Variants in ZNF704 observed in about 807,000 individuals in gnomAD.
The protein encoded by ZNF704 is zinc finger protein 704.
A neutral mutation model predicts 44.7 loss-of-function variants in ZNF704; 10 were observed. That is an observed-to-expected ratio of 0.22 (90% CI 0.14 to 0.38). The LOEUF (loss-of-function observed/expected upper bound fraction) is 0.38, where lower values mean the gene tolerates loss of function less well. ZNF704 is among the 10% of genes least tolerant of loss of function. ZNF704 has a pLI of 1.00. For synonymous variants in ZNF704, 211 were observed against 207.6 expected, an observed-to-expected ratio of 1.02 and a Z score of -0.14; for missense variants, 390 against 545.5, an observed-to-expected ratio of 0.71 and a Z score of 2.84.
chr8:80,716,208 T>G (rs1027027725), intron 2 of ZNF704, among the ~76,000 whole-genome samples: 2 of 152,206 alleles, frequency 1.3e-5, no homozygotes, highest in African/African-American at 4.8e-5. Context: ...TCCTTCATCA[T>G]AGACACCACG....
intron 2 of ZNF704, among the ~76,000 whole-genome samples, chr8:80,788,530 A>G (rs939969769): frequency 1.8e-4 from 27 of 152,362 alleles, no homozygotes; most frequent in African/African-American, 6.3e-4. Context: ...GAATTCAGGG[A>G]AAGCTGCTTA....
intron 2 of ZNF704, among the ~76,000 whole-genome samples, chr8:80,754,394 T>C (rs1807000894): frequency 1.3e-5 from 2 of 152,174 alleles, no homozygotes; most frequent in South Asian, 4.1e-4. Context: ...TTGCAGCCAT[T>C]TTCCCCTGCT....
At chr8:80,660,130 T>C (rs77185104) in intron 6 of ZNF704, among the ~76,000 whole-genome samples, 8,453 of 152,246 alleles carry the variant, frequency 0.056, 259 homozygotes, top group Middle Eastern at 0.092. Context: ...TAGGCATTCA[T>C]TCTAAAGAAA....
intron 2 of ZNF704, among the ~76,000 whole-genome samples, chr8:80,726,649 C>T (rs188680582): frequency 0.012 from 1,772 of 151,800 alleles, 16 homozygotes; most frequent in Middle Eastern, 0.054. Flanking sequence ...TTGATAATTA[C>T]TGAACTGGGA....
intron 2 of ZNF704, among the ~76,000 whole-genome samples, chr8:80,780,658 A>G (rs893108398): frequency 6.6e-6 from 1 of 152,162 alleles, no homozygotes; most frequent in Non-Finnish European, 1.5e-5. Context: ...CAGATGAAAA[A>G]TAAGACACAG....
chr8:80,695,518 A>G (rs1226895868), intron 2 of ZNF704, among the ~76,000 whole-genome samples: 1 of 152,230 alleles, frequency 6.6e-6, no homozygotes, highest in Non-Finnish European at 1.5e-5. Context: ...GATTCTTACA[A>G]TGACTTGCTA....
At position 80,629,813 on chromosome 8, in the gene ZNF704, T is replaced by C. The variant is rs1817554955; in HGVS notation, c.*11553A>G. 2 of 152,248 alleles carry C rather than the reference T, an allele frequency of 1.3e-5. No homozygotes were observed. The highest frequency in any genetic ancestry group is 2.9e-5 in the Non-Finnish European group (2 of 68,052). The allele number at this position is 152,248 out of a possible 1,614,324, so 9.4% of individuals were successfully genotyped here. ...CAGCAGATAAAACCTATGCTAACTT[T>C]ATCCAATGAAATATTCGTTCACTTC... On this transcript the variant is annotated 3_prime_UTR_variant, in exon 9 of 9. Coordinates refer to ENST00000327835, the MANE Select transcript of ZNF704 (RefSeq NM_001033723.3).
Position 80,813,218 on chromosome 8 carries a change from T to C in ZNF704, c.221+8156A>G, listed in dbSNP as rs948769361. ...CAATGATGATTTACAAAGAAGGACA[T>C]TTACTAATTATCCAAGGACTCTTTG... On this transcript the variant is annotated intron_variant, in intron 2 of 8. Coordinates refer to ENST00000327835, the MANE Select transcript of ZNF704 (RefSeq NM_001033723.3). Among the ~76,000 whole-genome samples, 5 of 152,214 alleles carry C rather than the reference T, an allele frequency of 3.3e-5. 1 individual carries two copies. Among genetic ancestry groups the C allele is most frequent in the Non-Finnish European group, 7.4e-5 (5 of 68,024 alleles).
intron 2 of ZNF704, among the ~76,000 whole-genome samples, chr8:80,787,590 A>T (rs750796977): frequency 6.6e-6 from 1 of 152,208 alleles, no homozygotes; most frequent in Non-Finnish European, 1.5e-5. Flanking sequence ...CAGCTGAGTC[A>T]ATATGGCTGA....
At chr8:80,775,140 A>G (rs374043183) in intron 2 of ZNF704, among the ~76,000 whole-genome samples, 1 of 152,210 alleles carries the variant, frequency 6.6e-6, no homozygotes, top group Admixed American at 6.5e-5. Context: ...CATCTTAGGA[A>G]TTAAAAAACA....
At chr8:80,681,324 T>C (rs926613663) in intron 4 of ZNF704, among the ~76,000 whole-genome samples, 10 of 152,248 alleles carry the variant, frequency 6.6e-5, no homozygotes, top group Non-Finnish European at 1.5e-4. Flanking sequence ...GGTTGTACCA[T>C]TTTACATTTC....
Position 80,780,157 on chromosome 8 carries a change from C to T in ZNF704, c.221+41217G>A, listed in dbSNP as rs144371660. Among the ~76,000 whole-genome samples the T allele has an allele frequency of 1.3e-4, 20 of 151,982 alleles. No individual in the cohort carries two copies. In the East Asian group the frequency reaches 1.4e-3, roughly 10 times the overall value. On this transcript the variant is annotated intron_variant, in intron 2 of 8. Coordinates refer to ENST00000327835, the MANE Select transcript of ZNF704 (RefSeq NM_001033723.3). The stretch of plus-strand genomic sequence containing the variant: ...GAGAAGGGAGGAGCAGTGAGGGCAA[C>T]GGCAAGTGGCACAGTGTGGCTGGAG...
chr8:80,671,155 T>C (rs1365095170), intron 4 of ZNF704, among the ~76,000 whole-genome samples: 1 of 151,908 alleles, frequency 6.6e-6, no homozygotes, highest in Non-Finnish European at 1.5e-5. Context: ...CAGAGATGGG[T>C]CCCACTCTGT....
intron 2 of ZNF704, among the ~76,000 whole-genome samples, chr8:80,738,763 TC>T (rs1187270500): frequency 6.6e-6 from 1 of 152,180 alleles, no homozygotes; most frequent in Admixed American, 6.5e-5. Flanking sequence ...TACTTCTGTC[TC>T]CCCTGAGCAC....
rs1291088070 is a variant in ZNF704 at position 80,636,509 on chromosome 8, T to C, written c.*4857A>G. 1 of 152,204 alleles carries C rather than the reference T, an allele frequency of 6.6e-6. No individual in the cohort carries two copies. The highest frequency in any genetic ancestry group is 2.4e-5 in the African/African-American group (1 of 41,448). The allele number at this position is 152,204 out of a possible 1,614,324, so 9.4% of individuals were successfully genotyped here. A position where few individuals can be genotyped will look rare whatever the true frequency, so the allele number is the denominator to read the frequency against. On this transcript the variant is annotated 3_prime_UTR_variant, in exon 9 of 9. Coordinates refer to ENST00000327835, the MANE Select transcript of ZNF704 (RefSeq NM_001033723.3). ...AACTGGTACCTAAAAAAAGTGCTAA[T>C]CTCATTTTATTTACTGACTTCAGGT...
upstream of ZNF704, among the ~76,000 whole-genome samples, chr8:80,879,613 C>T (rs1809400150): frequency 6.6e-6 from 1 of 152,126 alleles, no homozygotes; most frequent in Non-Finnish European, 1.5e-5. Context: ...ATTTCATGAG[C>T]CTTCCCTGCT....
intron 2 of ZNF704, among the ~76,000 whole-genome samples, chr8:80,741,957 T>C (rs1806765495): frequency 6.6e-6 from 1 of 151,918 alleles, no homozygotes; most frequent in South Asian, 2.1e-4. Context: ...AAAGGAAAAA[T>C]GGTAAATATA....
At chr8:80,744,123 A>G (rs140773580) in intron 2 of ZNF704, among the ~76,000 whole-genome samples, 8 of 152,292 alleles carry the variant, frequency 5.3e-5, no homozygotes, top group African/African-American at 1.9e-4. Flanking sequence ...AAGAATCTAA[A>G]CTACATCATT....
chr8:80,720,950 TTCAATGGCTCA>T (rs1819156078), intron 2 of ZNF704, among the ~76,000 whole-genome samples: 1 of 152,210 alleles, frequency 6.6e-6, no homozygotes, highest in African/African-American at 2.4e-5. Flanking sequence ...AGGCTGAGTT[TTCAATGGCTCA>T]TCAATGGGGC....
Sources: gnomAD v4.1 joint callset for allele counts (sites outside exome capture counted in the v4.1 genomes callset) on GRCh38, gnomAD v4.1.1 for gene constraint, MANE v1.5 for transcripts, NCBI Gene and HGNC (gene_info 2026-07-23, HGNC 2026-07-21) for gene names.